Variants in EXOC6B observed in about 807,000 individuals in gnomAD.
EXOC6B encodes the protein exocyst complex component 6B.
A neutral mutation model predicts 113.5 loss-of-function variants in EXOC6B; 54 were observed. The observed-to-expected ratio is 0.48, with a 90% CI of 0.38 to 0.60. The LOEUF is 0.60. Ranked by LOEUF, EXOC6B falls within the 20% of genes least tolerant of loss-of-function variation. The probability of loss-of-function intolerance (pLI) is 0.00; values close to 1 mark genes in which losing one functional copy is unlikely to be tolerated. For synonymous variants in EXOC6B, 357 were observed against 339.0 expected, an observed-to-expected ratio of 1.05 and a Z score of -0.58; for missense variants, 797 against 977.5, an observed-to-expected ratio of 0.82 and a Z score of 2.46.
intron 1 of EXOC6B, among the ~76,000 whole-genome samples, chr2:72,758,438 CA>C (rs372704275): frequency 6.2e-5 from 9 of 144,952 alleles, no homozygotes; most frequent in South Asian, 2.2e-4. Context: ...ACAAGATATG[CA>C]AAAAAAAAAC....
chr2:72,503,742 T>A (rs904199724), intron 11 of EXOC6B, among the ~76,000 whole-genome samples: 1 of 152,194 alleles, frequency 6.6e-6, no homozygotes, highest in Non-Finnish European at 1.5e-5. Flanking sequence ...ATAGTAAGAC[T>A]ATGTTTCATT....
chr2:72,671,698 A>G (rs764459371), intron 6 of EXOC6B, among the ~76,000 whole-genome samples: 2 of 151,248 alleles, frequency 1.3e-5, no homozygotes, highest in Non-Finnish European at 2.9e-5. Context: ...AACTCCGTCA[A>G]AAAAGAAAAA....
intron 6 of EXOC6B, among the ~76,000 whole-genome samples, chr2:72,703,000 G>A (rs1453718004): frequency 6.6e-6 from 1 of 151,126 alleles, no homozygotes. Flanking sequence ...CCTTGCCCAT[G>A]CCTATGTCCT....
intron 18 of EXOC6B, among the ~76,000 whole-genome samples, chr2:72,425,197 G>C (rs993966180): frequency 6.6e-6 from 1 of 152,018 alleles, no homozygotes; most frequent in Admixed American, 6.5e-5. Context: ...TTATGGCCTG[G>C]ATTTTATTAG....
chr2:72,437,584 G>C (rs770162763), intron 18 of EXOC6B, among the ~76,000 whole-genome samples: 20 of 152,234 alleles, frequency 1.3e-4, no homozygotes, highest in Non-Finnish European at 1.9e-4. Context: ...CTTTCTTTCA[G>C]AGACGCCCTG....
At chr2:72,340,456 GA>G (rs1266872952) in intron 19 of EXOC6B, among the ~76,000 whole-genome samples, 3 of 152,176 alleles carry the variant, frequency 2.0e-5, no homozygotes, top group Admixed American at 2.0e-4. Context: ...AATTTTGGGA[GA>G]AAAAATAACT....
At chr2:72,313,333 C>G (rs1687322112) in intron 20 of EXOC6B, among the ~76,000 whole-genome samples, 1 of 152,092 alleles carries the variant, frequency 6.6e-6, no homozygotes, top group Non-Finnish European at 1.5e-5. Flanking sequence ...GTTTACCCAT[C>G]TGACAAACCT....
At chr2:72,360,378 G>A (rs1337544115) in intron 19 of EXOC6B, among the ~76,000 whole-genome samples, 1 of 152,114 alleles carries the variant, frequency 6.6e-6, no homozygotes, top group African/African-American at 2.4e-5. Context: ...ATGAGCCACT[G>A]CACCTGGACT....
chr2:72,480,462 C>T (rs1285068795), intron 17 of EXOC6B, among the ~76,000 whole-genome samples, 154 bp downstream of exon 17: 1 of 151,976 alleles, frequency 6.6e-6, no homozygotes, highest in Non-Finnish European at 1.5e-5. Context: ...TTTATTTTTT[C>T]AAAGAAAATA....
chr2:72,815,049 A>C (rs1203138546), intron 1 of EXOC6B, among the ~76,000 whole-genome samples: 2 of 152,234 alleles, frequency 1.3e-5, no homozygotes, highest in East Asian at 3.8e-4. Flanking sequence ...TGACTAAAAT[A>C]ATAAAGAGGC....
intron 13 of EXOC6B, 58 bp from the exon 14 acceptor site, chr2:72,496,617 G>T: frequency 9.7e-7 from 1 of 1,035,876 alleles, no homozygotes; most frequent in Non-Finnish European, 1.5e-6. Context: ...GGGGGGTAGG[G>T]GAGGGGAACA....
chr2:72,266,797 T>G (rs1684124753), intron 20 of EXOC6B, among the ~76,000 whole-genome samples: 2 of 152,282 alleles, frequency 1.3e-5, no homozygotes, highest in African/African-American at 2.4e-5. Context: ...GTGAAGAAAG[T>G]CATTGGTAGC....
intron 6 of EXOC6B, among the ~76,000 whole-genome samples, chr2:72,657,598 G>A (rs1253241093): frequency 5.9e-5 from 1 of 17,000 alleles, no homozygotes; most frequent in Non-Finnish European, 1.1e-4. Context: ...TTTTTTTGTG[G>A]AGCTTTTGAG....
chr2:72,765,499 C>T (rs1683004544), intron 1 of EXOC6B, among the ~76,000 whole-genome samples: 1 of 151,878 alleles, frequency 6.6e-6, no homozygotes, highest in African/African-American at 2.4e-5. Context: ...ATGGTGAAAC[C>T]CCCCTCTCTA....
chr2:72,611,599 G>T (rs1003205608), intron 6 of EXOC6B, among the ~76,000 whole-genome samples: 5 of 152,142 alleles, frequency 3.3e-5, no homozygotes, highest in Admixed American at 2.0e-4. Flanking sequence ...AATGTAAGAT[G>T]TTAACAATAT....
At chr2:72,243,752 T>C (rs1214249115) in intron 20 of EXOC6B, among the ~76,000 whole-genome samples, 1 of 151,722 alleles carries the variant, frequency 6.6e-6, no homozygotes, top group African/African-American at 2.4e-5. Flanking sequence ...TTTTAAAAAA[T>C]AAATAAAAAC....
In EXOC6B at chr2:72,471,225, G is replaced by A. The variant is rs572919839; in HGVS notation, c.1801-5886C>T. On this transcript the variant is annotated intron_variant, in intron 17 of 21. Coordinates refer to ENST00000272427, the MANE Select transcript of EXOC6B (RefSeq NM_015189.3). ...CATTTCTCTGATGGCCAGTGATGAT[G>A]AGCATTTTTTCACGTGTCTTTTGGC... 4.3e-3 allele frequency among the ~76,000 whole-genome samples: 658 copies of A among 152,284 alleles called. 4 individuals carry two copies. The highest frequency in any genetic ancestry group is 0.015 in the African/African-American group (609 of 41,564).
intron 20 of EXOC6B, among the ~76,000 whole-genome samples, chr2:72,262,254 G>A (rs1391867148): frequency 2.6e-5 from 4 of 151,812 alleles, no homozygotes; most frequent in Non-Finnish European, 4.4e-5. Context: ...AGGAAAACAA[G>A]ATGTATCTCA....
chr2:72,631,613 G>A (rs1324740286), intron 6 of EXOC6B, among the ~76,000 whole-genome samples: 8 of 151,254 alleles, frequency 5.3e-5, no homozygotes, highest in African/African-American at 7.3e-5. Flanking sequence ...CCAGTGCTCC[G>A]CCTACCTCAG....
Sources: gnomAD v4.1 joint callset for allele counts (sites outside exome capture counted in the v4.1 genomes callset) on GRCh38, gnomAD v4.1.1 for gene constraint, MANE v1.5 for transcripts, NCBI Gene and HGNC (gene_info 2026-07-23, HGNC 2026-07-21) for gene names.